Variants in ERVK3-1 observed in about 807,000 individuals in gnomAD.
The protein encoded by ERVK3-1 is endogenous retrovirus group K3 member 1, also known as HERV-K(HML6-1).
chr19:58,309,260 A>G (rs2147969386), intron 2 of ERVK3-1: 1 of 152,328 alleles, frequency 6.6e-6, no homozygotes, highest in Admixed American at 6.5e-5. Flanking sequence ...GGCCACTCCT[A>G]CAGATCAAGT....
chr19:58,314,865 C>T (rs369915127), exon 4 of ERVK3-1: 178 of 399,086 alleles, frequency 4.5e-4, no homozygotes, highest in African/African-American at 3.2e-3. Flanking sequence ...GAATGAGGGT[C>T]GTGACCAACT....
In ERVK3-1 at chr19:58,314,732, GT is replaced by G; in HGVS notation, c.295-9del. ...ACAAGAATAATGTTGTTATGTCTCT[GT>G]TTTTTTGCTCATAGTCTATAGGATC... On this transcript the variant is annotated splice_polypyrimidine_tract_variant and intron_variant, in intron 3 of 3. Transcript: ENST00000413518. 2.8e-6 allele frequency: 1 copy of G among 362,840 alleles called. No individual in the cohort carries two copies. The highest frequency in any genetic ancestry group is 4.9e-6 in the Non-Finnish European group (1 of 202,740). The allele number at this position is 362,840 out of a possible 1,614,324, so 22.5% of individuals were successfully genotyped here. A position where few individuals can be genotyped will look rare whatever the true frequency, so the allele number is the denominator to read the frequency against.
At position 58,312,417 on chromosome 19, in the gene ERVK3-1, C is replaced by G; in HGVS notation, c.249C>G (p.Thr83=). ...TGGAGCGCCAGGGTCAGGCAAAAAC[C>G]CCTGACTCCATGTTCTTGGCCATGC... Residue 83 remains threonine (T), a synonymous_variant, in exon 3 of 4, where the codon ACC becomes ACG. Transcript: ENST00000413518. This position sits in a 1 kb window ranked among gnomAD's most constrained non-coding sequence, Gnocchi z 4.7. 1 of 400,168 alleles carries G rather than the reference C, an allele frequency of 2.5e-6. No homozygotes were observed. Among genetic ancestry groups the G allele is most frequent in the Non-Finnish European group, 4.4e-6 (1 of 226,078 alleles). 24.8% of individuals were successfully genotyped at this position (400,168 alleles called of 1,614,324 possible).
rs996782854 is a variant in ERVK3-1 at position 58,313,353 on chromosome 19, C to A, written c.294+891C>A. ...CCAGGCTGGAGTGCAGTGGCGCAAT[C>A]TCGGGTCACTGCAACCTTTGCCTCC... On this transcript the variant is annotated intron_variant, in intron 3 of 3. Coordinates refer to ENST00000413518, the Ensembl canonical transcript of ERVK3-1. The surrounding 1 kb of genome is among the most constrained non-coding windows in gnomAD (Gnocchi z 4.5). Among the ~76,000 whole-genome samples, 1 of 152,192 alleles carries A rather than the reference C, an allele frequency of 6.6e-6. No individual in the cohort carries two copies. Among genetic ancestry groups the A allele is most frequent in the Non-Finnish European group, 1.5e-5 (1 of 68,048 alleles).
downstream of ERVK3-1, among the ~76,000 whole-genome samples, chr19:58,315,971 C>T (rs1255144097): frequency 6.6e-6 from 1 of 152,130 alleles, no homozygotes; most frequent in Non-Finnish European, 1.5e-5. Flanking sequence ...GGACCTCTGC[C>T]CAGGACTGAG....
intron 2 of ERVK3-1, chr19:58,309,286 C>T (rs2051542583): frequency 6.6e-6 from 1 of 152,144 alleles, no homozygotes; most frequent in Non-Finnish European, 1.5e-5. Flanking sequence ...ACCAGTTATT[C>T]AGAGAAATAA....
rs2051547983 is a variant in ERVK3-1 at position 58,310,282 on chromosome 19, G to T, written c.-3-1884G>T. 1 of 153,246 alleles carries T rather than the reference G, an allele frequency of 6.5e-6. No individual in the cohort carries two copies. The highest frequency in any genetic ancestry group is 2.4e-5 in the African/African-American group (1 of 41,446). The allele number at this position is 153,246 out of a possible 1,614,324, so 9.5% of individuals were successfully genotyped here. ...TGTACGGACCAGCCCCACAGGGTCG[G>T]TGGGTCTCTCCCTGTGTGCGGCGAC... On this transcript the variant is annotated intron_variant, in intron 2 of 3. Transcript: ENST00000413518. This position sits in a 1 kb window ranked among gnomAD's most constrained non-coding sequence, Gnocchi z 4.7.
chr19:58,308,788 A>G (rs2051539840), intron 2 of ERVK3-1, among the ~76,000 whole-genome samples: 1 of 152,214 alleles, frequency 6.6e-6, no homozygotes, highest in Non-Finnish European at 1.5e-5. Flanking sequence ...AAACTGACTC[A>G]ACTCCATCAG....
exon 4 of ERVK3-1, chr19:58,314,983 A>G (rs976640140): frequency 4.9e-5 from 19 of 388,722 alleles, no homozygotes; most frequent in African/African-American, 3.5e-4. Flanking sequence ...TGCTGGGGGC[A>G]GTCATGTCCC....
chr19:58,312,226 A>AG lies in ERVK3-1; in HGVS notation c.61dup (p.Asp21GlyfsTer52), dbSNP rs1555776163. The AG allele has an allele frequency of 2.5e-6, 1 of 400,050 alleles. No homozygotes were observed. The allele number at this position is 400,050 out of a possible 1,614,324, so 24.8% of individuals were successfully genotyped here. ...GTGTGACCATGGAACGGGAGACCGGAGGGATCCATGGTATTCAACCGTGGG... is the reference window on the plus strand; with the variant it reads ...GTGTGACCATGGAACGGGAGACCGGAGGGGATCCATGGTATTCAACCGTGGG... On this transcript the variant is annotated frameshift_variant, in exon 3 of 4. Coordinates refer to ENST00000413518, the Ensembl canonical transcript of ERVK3-1. LOFTEE classifies it high-confidence loss of function. The surrounding 1 kb of genome is among the most constrained non-coding windows in gnomAD (Gnocchi z 4.7).
intron 2 of ERVK3-1, chr19:58,309,079 C>T (rs2051541424): frequency 1.3e-5 from 2 of 152,154 alleles, no homozygotes. Context: ...TTCTCTGTGC[C>T]TTCTATTAAT....
chr19:58,311,465 C>T (rs1176071179), intron 2 of ERVK3-1: 2 of 152,210 alleles, frequency 1.3e-5, no homozygotes, highest in African/African-American at 4.8e-5. Context: ...AACAACTTGC[C>T]CTTACTCGTA....
At chr19:58,305,619 C>A in intron 1 of ERVK3-1, among the ~76,000 whole-genome samples, 174 bp downstream of exon 1, 2 of 152,032 alleles carry the variant, frequency 1.3e-5, no homozygotes, top group Admixed American at 6.5e-5. Context: ...CGCGACCTGC[C>A]ATGTCCTGCC....
At position 58,310,133 on chromosome 19, in the gene ERVK3-1, ACT is replaced by A. The variant is rs1600471252; in HGVS notation, c.-3-2030_-3-2029del. On this transcript the variant is annotated intron_variant, in intron 2 of 3. Transcript: ENST00000413518. The surrounding 1 kb of genome is among the most constrained non-coding windows in gnomAD (Gnocchi z 4.7). The stretch of plus-strand genomic sequence containing the variant: ...AAGACCCCTAGAGTTTCAGCTCAAC[ACT>A]CTGAATTAATGGCAGTTATTCAAGT... 6.6e-6 allele frequency: 1 copy of A among 152,092 alleles called. No homozygotes were observed. Among genetic ancestry groups the A allele is most frequent in the East Asian group, 1.9e-4 (1 of 5,196 alleles). The allele number at this position is 152,092 out of a possible 1,614,324, so 9.4% of individuals were successfully genotyped here.
In ERVK3-1 at chr19:58,307,617, C is replaced by T. The variant is rs1406262151; in HGVS notation, c.-4+1401C>T. Among the ~76,000 whole-genome samples, 4 of 148,676 alleles carry T rather than the reference C, an allele frequency of 2.7e-5. No individual in the cohort carries two copies. The East Asian group carries it at 7.8e-4, about 29-fold the overall frequency. ...TTACAATGCAATACCGCCCCCCCCT[C>T]CCCGCCCCGCTCCCCCCAACACACA... On this transcript the variant is annotated intron_variant, in intron 2 of 3. Transcript: ENST00000413518.
At chr19:58,307,658 A>C (rs975452471) in intron 2 of ERVK3-1, among the ~76,000 whole-genome samples, 1 of 151,402 alleles carries the variant, frequency 6.6e-6, no homozygotes, top group African/African-American at 2.4e-5. Flanking sequence ...AGAAAAAAAA[A>C]CACCAGGACT....
chr19:58,314,711 G>A (rs373682513), intron 3 of ERVK3-1, 37 bp from the exon 4 acceptor site: 21 of 339,590 alleles, frequency 6.2e-5, no homozygotes, highest in Admixed American at 2.5e-4. Flanking sequence ...ATAATTACAA[G>A]AATAATGTTG....
exon 4 of ERVK3-1, chr19:58,315,263 C>T (rs894698638): frequency 7.9e-5 from 12 of 152,572 alleles, no homozygotes; most frequent in African/African-American, 2.4e-4. Flanking sequence ...GAAGCAACCG[C>T]GACAGTCCTG....
chr19:58,305,646 G>A (rs2051517309), intron 1 of ERVK3-1, among the ~76,000 whole-genome samples: 1 of 152,194 alleles, frequency 6.6e-6, no homozygotes, highest in Non-Finnish European at 1.5e-5. Flanking sequence ...CACCGCTTAT[G>A]CGCCCGTGGG....
Sources: gnomAD v4.1 joint callset for allele counts (sites outside exome capture counted in the v4.1 genomes callset) on GRCh38, gnomAD v4.1.1 for gene constraint, Gnocchi (gnomAD v3.1) non-coding constraint, MANE v1.5 for transcripts, NCBI Gene and HGNC (gene_info 2026-07-23, HGNC 2026-07-21) for gene names.